FTCDNL1: variants seen among roughly 807,000 people sequenced by gnomAD.
FTCDNL1 encodes formiminotransferase cyclodeaminase N-terminal like.
A neutral mutation model predicts 5.9 loss-of-function variants in FTCDNL1; 11 were observed. The observed-to-expected ratio is 1.87, with a 90% CI of 1.18 to 3.10. FTCDNL1 has a LOEUF of 3.10. FTCDNL1 is among the 30% of genes most tolerant of loss of function. The pLI is 0.00. For missense variants in FTCDNL1, 115 were observed against 65.5 expected, an observed-to-expected ratio of 1.76 and a Z score of -2.61; for synonymous variants, 58 against 24.8, an observed-to-expected ratio of 2.34 and a Z score of -3.99.
At chr2:199,758,947 A>G (rs1251848110), downstream of FTCDNL1, among the ~76,000 whole-genome samples, 1 of 152,214 alleles carries the variant, frequency 6.6e-6, no homozygotes, top group Non-Finnish European at 1.5e-5. Context: ...AAATTAACCT[A>G]GAGTTTAAAA....
the FTCDNL1 span, among the ~76,000 whole-genome samples, chr2:199,740,183 C>T: frequency 6.6e-6 from 1 of 152,322 alleles, no homozygotes; most frequent in Admixed American, 6.5e-5. Context: ...CATTTTATGA[C>T]TGTTAGTCAT....
At chr2:199,828,632 T>C (rs1702175584) in intron 3 of FTCDNL1, among the ~76,000 whole-genome samples, 1 of 152,240 alleles carries the variant, frequency 6.6e-6, no homozygotes, top group Non-Finnish European at 1.5e-5. Context: ...TGTTAGAATA[T>C]TCTACAGCTT....
chr2:199,744,909 G>GCCCGTTCCT, the FTCDNL1 span, among the ~76,000 whole-genome samples: 1 of 152,182 alleles, frequency 6.6e-6, no homozygotes, highest in African/African-American at 2.4e-5. Context: ...ACGGGAAAAC[G>GCCCGTTCCT]CCCGTTCCTC....
intron 3 of FTCDNL1, among the ~76,000 whole-genome samples, chr2:199,779,609 A>G (rs1008865079): frequency 6.6e-6 from 1 of 152,190 alleles, no homozygotes; most frequent in Non-Finnish European, 1.5e-5. Context: ...CCTGCAAAAA[A>G]GCGATGTGCC....
the FTCDNL1 span, among the ~76,000 whole-genome samples, chr2:199,699,287 T>C: frequency 6.6e-6 from 1 of 152,034 alleles, no homozygotes; most frequent in Non-Finnish European, 1.5e-5. Flanking sequence ...GGCAACATGA[T>C]GAAACTCCCT....
At chr2:199,711,541 C>T in the FTCDNL1 span, among the ~76,000 whole-genome samples, 1,742 of 152,170 alleles carry the variant, frequency 0.011, 36 homozygotes, top group African/African-American at 0.04. Flanking sequence ...TATGGACCTA[C>T]CTTATTCTAT....
At chr2:199,808,831 C>T (rs1211469188), downstream of FTCDNL1, among the ~76,000 whole-genome samples, 2 of 152,142 alleles carry the variant, frequency 1.3e-5, no homozygotes, top group Non-Finnish European at 2.9e-5. Flanking sequence ...GGGGAGGGAA[C>T]GATTTGTCCT....
intron 3 of FTCDNL1, among the ~76,000 whole-genome samples, chr2:199,782,777 G>A (rs923243632): frequency 6.6e-6 from 1 of 152,146 alleles, no homozygotes; most frequent in Non-Finnish European, 1.5e-5. Context: ...TCTGGGACTT[G>A]CTCTTCCATC....
the FTCDNL1 span, among the ~76,000 whole-genome samples, chr2:199,735,919 A>G: frequency 6.6e-6 from 1 of 152,226 alleles, no homozygotes; most frequent in Non-Finnish European, 1.5e-5. Context: ...ACGACAGCGG[A>G]CAAATCTATC....
chr2:199,666,085 C>CA, the FTCDNL1 span, among the ~76,000 whole-genome samples: 2 of 152,188 alleles, frequency 1.3e-5, no homozygotes. Flanking sequence ...ACCTGTATCT[C>CA]AGTTTCCTCA....
chr2:199,835,701 T>A (rs1018434165), intron 3 of FTCDNL1, among the ~76,000 whole-genome samples: 2 of 152,130 alleles, frequency 1.3e-5, no homozygotes, highest in African/African-American at 2.4e-5. Context: ...AGGAAAAACA[T>A]CTCCACAGTT....
At chr2:199,672,793 C>G in the FTCDNL1 span, among the ~76,000 whole-genome samples, 2 of 152,034 alleles carry the variant, frequency 1.3e-5, no homozygotes, top group African/African-American at 4.8e-5. Flanking sequence ...AAAGGCACAT[C>G]TCCTAAGAGA....
chr2:199,801,953 GGAATAA>G (rs1190595925), intron 3 of FTCDNL1, among the ~76,000 whole-genome samples: 1 of 145,788 alleles, frequency 6.9e-6, no homozygotes, highest in African/African-American at 2.6e-5. Flanking sequence ...AAAAAAAAAA[GGAATAA>G]GAAAAAAATT....
downstream of FTCDNL1, among the ~76,000 whole-genome samples, chr2:199,759,129 ATATT>A (rs1330165751): frequency 2.7e-5 from 4 of 150,824 alleles, no homozygotes; most frequent in Non-Finnish European, 5.9e-5. Flanking sequence ...ATGTGTATAT[ATATT>A]TGTGTGTGTA....
the FTCDNL1 span, among the ~76,000 whole-genome samples, chr2:199,666,523 T>C: frequency 4.1e-4 from 63 of 152,332 alleles, 2 homozygotes; most frequent in South Asian, 9.3e-3. Flanking sequence ...ACTTCATATA[T>C]TCAATGATTG....
rs531137875 is a variant in FTCDNL1, at chr2:199,776,628, G to A, written c.212-15793C>T. ...CCCTAAGTCAACTGTGCAAGGGAAGGTTGGCAGATGAAAGCAAAATATGCT... is the reference window on the plus strand; with the variant it reads ...CCCTAAGTCAACTGTGCAAGGGAAGATTGGCAGATGAAAGCAAAATATGCT... On this transcript the variant is annotated intron_variant, in intron 3 of 3. Transcript: ENST00000416668. Among the ~76,000 whole-genome samples, 85 of 152,270 alleles carry A rather than the reference G, an allele frequency of 5.6e-4. 1 individual carries two copies. Among genetic ancestry groups the A allele is most frequent in the Non-Finnish European group, 1.0e-3 (71 of 68,008 alleles).
chr2:199,698,116 A>ATAT, the FTCDNL1 span, among the ~76,000 whole-genome samples: 4 of 152,252 alleles, frequency 2.6e-5, no homozygotes, highest in Admixed American at 2.6e-4. Flanking sequence ...CCAACACTGC[A>ATAT]GCACACAGAT....
downstream of FTCDNL1, among the ~76,000 whole-genome samples, chr2:199,805,529 A>G (rs1700678220): frequency 6.6e-6 from 1 of 152,168 alleles, no homozygotes; most frequent in Non-Finnish European, 1.5e-5. Flanking sequence ...ACTTGAGGTC[A>G]GGAGTTCGAG....
chr2:199,770,494 T>A (rs1574460879), intron 3 of FTCDNL1, among the ~76,000 whole-genome samples: 1 of 152,194 alleles, frequency 6.6e-6, no homozygotes, highest in Non-Finnish European at 1.5e-5. Context: ...TATCTTCTTA[T>A]CAAAAATCTA....
Sources: allele counts gnomAD v4.1 joint callset (sites outside exome capture counted in the v4.1 genomes callset), GRCh38; gene constraint gnomAD v4.1.1; transcripts MANE v1.5; gene names NCBI Gene and HGNC (gene_info 2026-07-23, HGNC 2026-07-21).